Variants in ATXN1 observed in about 807,000 individuals in gnomAD.
ATXN1 encodes the protein ataxin 1.
A neutral mutation model predicts 56.4 loss-of-function variants in ATXN1; 8 were observed. The ratio of observed to expected loss-of-function variants is 0.14; its 90% CI spans 0.08 to 0.26. The LOEUF (loss-of-function observed/expected upper bound fraction) is 0.26. ATXN1 is among the 10% of genes least tolerant of loss of function. The pLI is 1.00. For missense variants in ATXN1, 987 were observed against 1,106.5 expected (o/e 0.89, Z 1.53); for synonymous variants, 514 against 494.6 (o/e 1.04, Z -0.52).
At chr6:16,367,909 C>G (rs1761957531) in intron 6 of ATXN1, among the ~76,000 whole-genome samples, 1 of 152,058 alleles carries the variant, frequency 6.6e-6, no homozygotes, top group African/African-American at 2.4e-5. Context: ...AGCTATGCAG[C>G]CATCTTGTAT....
At chr6:16,623,653 C>G (rs1450433129) in intron 3 of ATXN1, among the ~76,000 whole-genome samples, 1 of 152,178 alleles carries the variant, frequency 6.6e-6, no homozygotes, top group African/African-American at 2.4e-5. Context: ...TTAATCTGAA[C>G]CAAACTAAGA....
intron 6 of ATXN1, among the ~76,000 whole-genome samples, chr6:16,374,350 C>T (rs1199641396): frequency 6.6e-6 from 1 of 152,138 alleles, no homozygotes; most frequent in Non-Finnish European, 1.5e-5. Flanking sequence ...ATAGTTTAAG[C>T]CTGCTTTAAC....
In ATXN1 at chr6:16,410,791, G is replaced by A. The variant is rs1237720643; in HGVS notation, c.-161+75181C>T. Among the ~76,000 whole-genome samples the A allele has an allele frequency of 6.6e-6, 1 of 152,180 alleles. No homozygotes were observed. On this transcript the variant is annotated intron_variant, in intron 6 of 7. Coordinates refer to ENST00000436367, the MANE Select transcript of ATXN1 (RefSeq NM_001128164.2). This position sits in a 1 kb window ranked among gnomAD's most constrained non-coding sequence, Gnocchi z 4.6. ...AGTTAAGTCTCCTCTTAGTGTAGCA[G>A]TACGTATTTTGAATGAGAACGGCCA...
At chr6:16,629,177 T>A (rs1240456133) in intron 3 of ATXN1, among the ~76,000 whole-genome samples, 1 of 152,214 alleles carries the variant, frequency 6.6e-6, no homozygotes, top group Non-Finnish European at 1.5e-5. Context: ...CTGACTGGTA[T>A]GAGATAGTAT....
At chr6:16,442,816 A>G (rs1001581925) in intron 6 of ATXN1, among the ~76,000 whole-genome samples, 1 of 152,018 alleles carries the variant, frequency 6.6e-6, no homozygotes, top group Non-Finnish European at 1.5e-5. Context: ...ACTTGAGACT[A>G]GCCTGGCCAA....
chr6:16,707,520 T>C (rs1759432777), intron 2 of ATXN1, among the ~76,000 whole-genome samples: 1 of 152,176 alleles, frequency 6.6e-6, no homozygotes, highest in Non-Finnish European at 1.5e-5. Flanking sequence ...CCCCAATGAA[T>C]TCTATCTTCT....
chr6:16,666,432 C>A, intron 2 of ATXN1: 1 of 167,346 alleles, frequency 6.0e-6, no homozygotes, highest in Non-Finnish European at 1.2e-5. Context: ...TAATGAATAG[C>A]TGCAACAAAC....
intron 2 of ATXN1, among the ~76,000 whole-genome samples, chr6:16,659,192 A>G (rs1381490329): frequency 6.6e-6 from 1 of 152,226 alleles, no homozygotes; most frequent in Non-Finnish European, 1.5e-5. Context: ...AACTGCCTGA[A>G]AATGGCAAAA....
intron 7 of ATXN1, among the ~76,000 whole-genome samples, chr6:16,317,463 T>C (rs2113391761): frequency 6.6e-6 from 1 of 152,186 alleles, no homozygotes; most frequent in East Asian, 1.9e-4. Context: ...TAGCTGGGAT[T>C]ATAGGCGCCT....
chr6:16,562,831 G>A (rs1204127074), intron 4 of ATXN1, among the ~76,000 whole-genome samples: 1 of 151,918 alleles, frequency 6.6e-6, no homozygotes, highest in African/African-American at 2.4e-5. Context: ...CAAAATAAGG[G>A]CTCCTTTAGT....
chr6:16,758,739 C>A (rs1042408972), intron 1 of ATXN1, among the ~76,000 whole-genome samples: 1 of 152,228 alleles, frequency 6.6e-6, no homozygotes, highest in African/African-American at 2.4e-5. Context: ...CGAAAACCTA[C>A]ACCACTGACA....
At chr6:16,441,607 C>T (rs901710028) in intron 6 of ATXN1, among the ~76,000 whole-genome samples, 2 of 151,584 alleles carry the variant, frequency 1.3e-5, no homozygotes, top group African/African-American at 4.9e-5. Flanking sequence ...GATAAAGGAA[C>T]ACTAATCCCA....
chr6:16,602,042 A>C (rs1762921861), intron 3 of ATXN1, among the ~76,000 whole-genome samples: 1 of 152,196 alleles, frequency 6.6e-6, no homozygotes, highest in African/African-American at 2.4e-5. Context: ...TAAGAAAATT[A>C]ATATTGCCCC....
intron 7 of ATXN1, among the ~76,000 whole-genome samples, chr6:16,321,436 G>A (rs1290537231): frequency 6.6e-6 from 1 of 152,216 alleles, no homozygotes; most frequent in Non-Finnish European, 1.5e-5. Context: ...CTCCACTGAA[G>A]AGGAAGGAGG....
At chr6:16,599,048 C>T (rs1762867452) in intron 3 of ATXN1, among the ~76,000 whole-genome samples, 1 of 152,252 alleles carries the variant, frequency 6.6e-6, no homozygotes, top group Non-Finnish European at 1.5e-5. Context: ...CAGCTTCCAA[C>T]TTGCTGGTGC....
rs897632136 is a variant in ATXN1 at position 16,375,338 on chromosome 6, C to T, written c.-160-46868G>A. On this transcript the variant is annotated intron_variant, in intron 6 of 7. Coordinates refer to ENST00000436367, the MANE Select transcript of ATXN1 (RefSeq NM_001128164.2). ...TCAATTTAAACTTTAAGAACTACAG[C>T]TCTGTTACTTAGAATCCAAAGCAAA... 5.3e-5 allele frequency among the ~76,000 whole-genome samples: 8 copies of T among 152,342 alleles called. No individual in the cohort carries two copies. In the South Asian group the frequency reaches 6.2e-4, roughly 12 times the overall value.
chr6:16,554,122 C>G (rs1001918728), intron 4 of ATXN1, among the ~76,000 whole-genome samples: 2 of 152,182 alleles, frequency 1.3e-5, no homozygotes, highest in Non-Finnish European at 2.9e-5. Context: ...TATGCCACAA[C>G]ACACAATCGT....
At chr6:16,726,979 T>C (rs915630028) in intron 2 of ATXN1, among the ~76,000 whole-genome samples, 1 of 152,228 alleles carries the variant, frequency 6.6e-6, no homozygotes, top group African/African-American at 2.4e-5. Context: ...TGGGCCAGTA[T>C]GACAAATATT....
intron 6 of ATXN1, among the ~76,000 whole-genome samples, chr6:16,476,202 G>A (rs1344751429): frequency 2.6e-5 from 4 of 152,106 alleles, no homozygotes; most frequent in South Asian, 4.1e-4. Context: ...TGTGATCAAC[G>A]ACAACTTATT....
Sources: allele counts gnomAD v4.1 joint callset (sites outside exome capture counted in the v4.1 genomes callset), GRCh38; gene constraint gnomAD v4.1.1; non-coding constraint Gnocchi (gnomAD v3.1); transcripts MANE v1.5; gene names NCBI Gene and HGNC (gene_info 2026-07-23, HGNC 2026-07-21).